The following GREB1 variants were observed in gnomAD, a reference collection of about 807,000 sequenced individuals.
GREB1 encodes the protein growth regulating estrogen receptor binding 1.
In GREB1, 106 loss-of-function variants were observed where a neutral mutation model predicts 200.7. That is an observed-to-expected ratio of 0.53 (90% CI 0.45 to 0.62). GREB1 has a LOEUF of 0.62. GREB1 is among the 20% of genes least tolerant of loss of function. The probability of loss-of-function intolerance (pLI) is 0.00; values close to 1 mark genes in which losing one functional copy is unlikely to be tolerated. For missense variants in GREB1, 2,243 were observed against 2,556.8 expected (o/e 0.88, Z 2.65); for synonymous variants, 1,132 against 1,092.4 (o/e 1.04, Z -0.72).
chr2:11,568,308 C>T (rs1340991090), intron 4 of GREB1, among the ~76,000 whole-genome samples: 5 of 152,156 alleles, frequency 3.3e-5, no homozygotes, highest in Non-Finnish European at 7.3e-5. Flanking sequence ...GAGAAGAAAA[C>T]GCAATGGTTC....
In GREB1 at chr2:11,633,979, G is replaced by C; in HGVS notation, c.4992-152G>C. The C allele has an allele frequency of 1.4e-6, 1 of 696,860 alleles. No individual in the cohort carries two copies. The highest frequency in any genetic ancestry group is 2.5e-6 in the Non-Finnish European group (1 of 393,440). The allele number at this position is 696,860 out of a possible 1,614,324, so 43.2% of individuals were successfully genotyped here. A position where few individuals can be genotyped will look rare whatever the true frequency, so the allele number is the denominator to read the frequency against. On this transcript the variant is annotated intron_variant, in intron 28 of 32. Coordinates refer to ENST00000381486, the MANE Select transcript of GREB1 (RefSeq NM_014668.4). This position sits in a 1 kb window ranked among gnomAD's most constrained non-coding sequence, Gnocchi z 4.1. ...AATGAGCGCCCGTGGGAAGCGCCCA[G>C]CAGGGTGCCTGGCCCTGGGGGGACT...
chr2:11,538,629 CTTT>C (rs765617142), intron 1 of GREB1, among the ~76,000 whole-genome samples: 7,303 of 35,024 alleles, frequency 0.21, 455 homozygotes, highest in South Asian at 0.4. Flanking sequence ...TTCTTTCTTT[CTTT>C]CTTTCTTTCT....
At chr2:11,634,867 C>T (rs1438934526) in intron 29 of GREB1, among the ~76,000 whole-genome samples, 6 of 152,200 alleles carry the variant, frequency 3.9e-5, no homozygotes, top group African/African-American at 4.8e-5. Flanking sequence ...GGCCACTCAC[C>T]TCCAAGCCCT....
At chr2:11,624,525 A>C (rs1242150822) in intron 23 of GREB1, among the ~76,000 whole-genome samples, 1 of 151,510 alleles carries the variant, frequency 6.6e-6, no homozygotes, top group Admixed American at 6.6e-5. Flanking sequence ...TTGTATTTTT[A>C]GTAGATACGG....
At chr2:11,566,953 C>A (rs761304223) in intron 4 of GREB1, among the ~76,000 whole-genome samples, 2 of 152,158 alleles carry the variant, frequency 1.3e-5, no homozygotes, top group East Asian at 3.9e-4. Flanking sequence ...GGGTGACAAA[C>A]CCTGTCCTAG....
chr2:11,515,644 A>G (rs1572574739), intron 1 of GREB1, among the ~76,000 whole-genome samples: 1 of 152,074 alleles, frequency 6.6e-6, no homozygotes, highest in Non-Finnish European at 1.5e-5. Context: ...GGTGGTCACA[A>G]CCCCGTCCCC....
chr2:11,547,895 C>G (rs985443803), intron 1 of GREB1, among the ~76,000 whole-genome samples: 1 of 152,144 alleles, frequency 6.6e-6, no homozygotes, highest in African/African-American at 2.4e-5. Flanking sequence ...CAAGAACACA[C>G]TGTTAGCTGG....
At chr2:11,626,456 C>T (rs894683815) in intron 24 of GREB1, among the ~76,000 whole-genome samples, 1 of 152,042 alleles carries the variant, frequency 6.6e-6, no homozygotes, top group Non-Finnish European at 1.5e-5. Context: ...GGTTTGGTGG[C>T]GTGCACCTGT....
intron 1 of GREB1, among the ~76,000 whole-genome samples, chr2:11,536,507 C>T (rs1325479764): frequency 1.3e-5 from 2 of 152,016 alleles, no homozygotes; most frequent in Admixed American, 1.3e-4. Flanking sequence ...GCCATTGTGG[C>T]CAAAAAGAGA....
At chr2:11,536,163 G>A (rs1359322134) in intron 1 of GREB1, among the ~76,000 whole-genome samples, 2 of 152,158 alleles carry the variant, frequency 1.3e-5, no homozygotes, top group Non-Finnish European at 2.9e-5. Flanking sequence ...TCAGTTTCGG[G>A]AGGTCAGAAC....
intron 1 of GREB1, among the ~76,000 whole-genome samples, chr2:11,545,230 G>C (rs534658983): frequency 2.3e-4 from 35 of 152,164 alleles, no homozygotes; most frequent in African/African-American, 7.7e-4. Context: ...CGCCTCCCAG[G>C]TTCAAGCGAT....
chr2:11,579,782 G>A (rs1195928959), intron 6 of GREB1, among the ~76,000 whole-genome samples: 2 of 152,178 alleles, frequency 1.3e-5, no homozygotes, highest in African/African-American at 4.8e-5. Flanking sequence ...GTCAGCCCCA[G>A]GAGACCAGAA....
chr2:11,504,186 C>G (rs929878990), intron 1 of GREB1, among the ~76,000 whole-genome samples: 1 of 152,134 alleles, frequency 6.6e-6, no homozygotes. Context: ...TGGGTGGTGT[C>G]CACACTGTGG....
At chr2:11,581,611 G>A (rs757552292) in intron 7 of GREB1, among the ~76,000 whole-genome samples, 2 of 152,182 alleles carry the variant, frequency 1.3e-5, no homozygotes, top group South Asian at 2.1e-4. Context: ...GGACCTGCTC[G>A]TGGACTCCCA....
At chr2:11,572,129 G>A (rs1442514349) in intron 4 of GREB1, among the ~76,000 whole-genome samples, 1 of 152,226 alleles carries the variant, frequency 6.6e-6, no homozygotes, top group Non-Finnish European at 1.5e-5. Context: ...TTTTCATGGA[G>A]GGTTGATGAC....
chr2:11,562,761 C>T, intron 3 of GREB1, 179 bp downstream of exon 3: 1 of 569,324 alleles, frequency 1.8e-6, no homozygotes, highest in Non-Finnish European at 2.9e-6. Flanking sequence ...CCCGGCCTGC[C>T]CTCCTGAAAC....
At chr2:11,544,110 G>A (rs917661917) in intron 1 of GREB1, among the ~76,000 whole-genome samples, 1 of 152,156 alleles carries the variant, frequency 6.6e-6, no homozygotes, top group African/African-American at 2.4e-5. Flanking sequence ...TTGCATGATT[G>A]GTAACAGGTG....
intron 1 of GREB1, among the ~76,000 whole-genome samples, chr2:11,525,496 CAAAA>C (rs764748651): frequency 2.0e-5 from 1 of 50,064 alleles, no homozygotes; most frequent in East Asian, 6.7e-4. Flanking sequence ...GACTCCATCT[CAAAA>C]AAAAAAAAAA....
rs768297056 is a variant in GREB1 at position 11,597,840 on chromosome 2, C to G, written c.2014C>G (p.Leu672Val). The change falls in exon 14 of 33, where the codon CTC (leucine) becomes GTC (valine). Residue 672 changes from leucine (L) to valine (V), a missense_variant. Physicochemically the swap from Leu to Val is conservative, Grantham distance 32. Around this residue, in one of 3 missense-constraint regions of GREB1, gnomAD observed 1,178 missense variants for 1,387.4 expected, o/e 0.85. Transcript: ENST00000381486. This position sits in a 1 kb window ranked among gnomAD's most constrained non-coding sequence, Gnocchi z 4.1. ...CCAGCTGGCAGTAGCGCAGAAGCTCCTCTCCCATGTGTGTTCCATTGCGGA... is the reference window on the plus strand; with the variant it reads ...CCAGCTGGCAGTAGCGCAGAAGCTCGTCTCCCATGTGTGTTCCATTGCGGA... ...PFQLAVAQKL[L>V]SHVCSIADSS... The G allele has an allele frequency of 6.2e-7, 1 of 1,614,102 alleles. No individual in the cohort carries two copies. The highest frequency in any genetic ancestry group is 8.5e-7 in the Non-Finnish European group (1 of 1,180,042).
Sources: allele counts gnomAD v4.1 joint callset (sites outside exome capture counted in the v4.1 genomes callset), GRCh38; gene constraint gnomAD v4.1.1; regional missense constraint gnomAD v4.1.1; non-coding constraint Gnocchi (gnomAD v3.1); transcripts MANE v1.5; gene names NCBI Gene and HGNC (gene_info 2026-07-23, HGNC 2026-07-21).